RAD1: variants seen among roughly 807,000 people sequenced by gnomAD.
RAD1 encodes RAD1 checkpoint DNA exonuclease.
A neutral mutation model predicts 30.0 loss-of-function variants in RAD1; 21 were observed. That is an observed-to-expected ratio of 0.70 (90% confidence interval 0.50 to 1.01). RAD1 has a LOEUF of 1.01. Among genes scored for constraint, RAD1 ranks in the 50% least tolerant of loss-of-function variants. The pLI is 0.00. For synonymous variants in RAD1, 109 were observed against 113.6 expected (o/e 0.96, Z 0.26); for missense variants, 329 against 329.0 (o/e 1.00, Z 0.00).
chr5:34,914,973 AG>A lies in RAD1; in HGVS notation c.-69-13del, dbSNP rs1764000194. 4.0e-6 allele frequency: 6 copies of A among 1,492,886 alleles called. No individual in the cohort carries two copies. In the Admixed American group the frequency reaches 1.1e-4, roughly 27 times the overall value. 92.5% of individuals were successfully genotyped at this position (1,492,886 alleles called of 1,614,324 possible). A position where few individuals can be genotyped will look rare whatever the true frequency, so the allele number is the denominator to read the frequency against. On this transcript the variant is annotated splice_polypyrimidine_tract_variant and intron_variant, in intron 1 of 5. Coordinates refer to ENST00000382038, the MANE Select transcript of RAD1 (RefSeq NM_002853.4). ...GGATCGCCAAACACCTGAAGGGATT[AG>A]ACAGTAAAACTCCCATCAGTGCTGG...
intron 4 of RAD1, among the ~76,000 whole-genome samples, chr5:34,910,894 G>A (rs1763815216): frequency 6.6e-6 from 1 of 152,186 alleles, no homozygotes; most frequent in African/African-American, 2.4e-5. Flanking sequence ...AAAGAGACTT[G>A]TGTTAAACTA....
intron 2 of RAD1, chr5:34,914,105 C>T (rs539395538): frequency 1.8e-4 from 75 of 415,076 alleles, no homozygotes; most frequent in Non-Finnish European, 2.9e-4. Flanking sequence ...TTAAAAAACG[C>T]TTAGTTGAAC....
chr5:34,906,059 A>G lies in RAD1; in HGVS notation c.*2706T>C, dbSNP rs1208043085. ...AACCCCCGCCTTCCAGTTTCAAGTGATTCTCTTGCCTCAGCCTCTCAAGTA... is the reference window on the plus strand; with the variant it reads ...AACCCCCGCCTTCCAGTTTCAAGTGGTTCTCTTGCCTCAGCCTCTCAAGTA... On this transcript the variant is annotated 3_prime_UTR_variant, in exon 6 of 6. Coordinates refer to ENST00000382038, the MANE Select transcript of RAD1 (RefSeq NM_002853.4). The G allele has an allele frequency of 6.6e-6, 1 of 151,996 alleles. No individual in the cohort carries two copies. The highest frequency in any genetic ancestry group is 1.5e-5 in the Non-Finnish European group (1 of 68,038). 9.4% of individuals were successfully genotyped at this position (151,996 alleles called of 1,614,324 possible). A position where few individuals can be genotyped will look rare whatever the true frequency, so the allele number is the denominator to read the frequency against.
chr5:34,914,852 T>C lies in RAD1; in HGVS notation c.41A>G (p.Gln14Arg), dbSNP rs981309610. Residue 14 changes from glutamine to arginine, a missense_variant, in exon 2 of 6, where the codon CAG (glutamine) becomes CGG (arginine). Coordinates refer to ENST00000382038, the MANE Select transcript of RAD1 (RefSeq NM_002853.4). ...LTQQIQDEDD[Q>R]YSLVASLDNV... Reference sequence around the variant, plus strand: ...GTCAAGGCTGGCCACAAGGCTGTACTGATCATCCTCGTCTTGGATCTGTTG... The same window carrying C: ...GTCAAGGCTGGCCACAAGGCTGTACCGATCATCCTCGTCTTGGATCTGTTG... 2 of 1,614,060 alleles carry C rather than the reference T, an allele frequency of 1.2e-6. No homozygotes were observed. Among genetic ancestry groups the C allele is most frequent in the African/African-American group, 1.3e-5 (1 of 74,944 alleles).
At chr5:34,913,036 T>C (rs1470569764) in intron 3 of RAD1, among the ~76,000 whole-genome samples, 1 of 152,142 alleles carries the variant, frequency 6.6e-6, no homozygotes, top group African/African-American at 2.4e-5. Flanking sequence ...AAAATAGACA[T>C]AACTTATAAA....
Position 34,907,130 on chromosome 5 carries a change from G to A in RAD1, c.*1635C>T, listed in dbSNP as rs1763676322. 6.6e-6 allele frequency: 1 copy of A among 152,194 alleles called. No individual in the cohort carries two copies. Among genetic ancestry groups the A allele is most frequent in the Admixed American group, 6.5e-5 (1 of 15,276 alleles). 9.4% of individuals were successfully genotyped at this position (152,194 alleles called of 1,614,324 possible). On this transcript the variant is annotated 3_prime_UTR_variant, in exon 6 of 6. Transcript: ENST00000382038. ...AAGCAGTGCCTGCCATTGTGCTGGA[G>A]TAGCCTCCTTGCAGCACACTTTGCT...
chr5:34,914,999 G>A (rs1764001864), intron 1 of RAD1, 38 bp from the exon 2 acceptor site: 2 of 1,199,294 alleles, frequency 1.7e-6, no homozygotes, highest in Non-Finnish European at 2.3e-6. Context: ...ATCAGTGCTG[G>A]CGAGGTCCGG....
rs1763654179 is a variant in RAD1 at position 34,906,378 on chromosome 5, C to G, written c.*2387G>C. 6.6e-6 allele frequency: 1 copy of G among 152,138 alleles called. No individual in the cohort carries two copies. The highest frequency in any genetic ancestry group is 1.5e-5 in the Non-Finnish European group (1 of 68,034). 9.4% of individuals were successfully genotyped at this position (152,138 alleles called of 1,614,324 possible). ...ATTAGGCCAGGCATGATAGCTCACGCCTGTAATCCCAGCCCTTTGGGAGGC... is the reference window on the plus strand; with the variant it reads ...ATTAGGCCAGGCATGATAGCTCACGGCTGTAATCCCAGCCCTTTGGGAGGC... On this transcript the variant is annotated 3_prime_UTR_variant, in exon 6 of 6. Transcript: ENST00000382038.
At chr5:34,914,623 G>A (rs1014150932) in intron 2 of RAD1, 72 bp downstream of exon 2, 6 of 1,486,564 alleles carry the variant, frequency 4.0e-6, no homozygotes, top group Admixed American at 3.4e-5. Context: ...TTTGTCTACT[G>A]AAACCTTCCG....
intron 4 of RAD1, 47 bp downstream of exon 4, chr5:34,911,507 G>C (rs964023843): frequency 1.3e-6 from 2 of 1,581,036 alleles, no homozygotes; most frequent in African/African-American, 1.4e-5. Flanking sequence ...TAAGTGGGAA[G>C]ATGGAGTACA....
Position 34,908,838 on chromosome 5 carries a change from T to C in RAD1, c.776A>G (p.Asn259Ser). The change falls in exon 6 of 6, where the codon AAT (asparagine) becomes AGT (serine). Residue 259 changes from asparagine to serine, a missense_variant. Asn to Ser is a conservative substitution (Grantham distance 46, BLOSUM62 1). Transcript: ENST00000382038. ...CACAAAACATATTTGTCCATCTTCA[T>C]TTCTAATCATATACTGTAATGAAAG... ...GFLSLQYMIRNEDGQICFVEY... is the reference protein window; with the variant it reads ...GFLSLQYMIRSEDGQICFVEY... 6.2e-7 allele frequency: 1 copy of C among 1,613,380 alleles called. No homozygotes were observed. Among genetic ancestry groups the C allele is most frequent in the South Asian group, 1.1e-5 (1 of 91,052 alleles).
At chr5:34,914,491 T>G (rs1465531242) in intron 2 of RAD1, 3 of 586,020 alleles carry the variant, frequency 5.1e-6, no homozygotes, top group African/African-American at 3.7e-5. Flanking sequence ...GGGAAAAGAA[T>G]TTGTTACCGG....
rs1386487775 is a variant in RAD1 at position 34,914,860 on chromosome 5, C to G, written c.33G>C (p.Glu11Asp). The G allele has an allele frequency of 6.2e-7, 1 of 1,614,104 alleles. No individual in the cohort carries two copies. Among genetic ancestry groups the G allele is most frequent in the Non-Finnish European group, 8.5e-7 (1 of 1,180,040 alleles). The change falls in exon 2 of 6, where the codon GAG becomes GAC. Residue 11 changes from glutamate to aspartate, a missense_variant. Physicochemically the swap from Glu to Asp is conservative, Grantham distance 45. Transcript: ENST00000382038. ...TGGCCACAAGGCTGTACTGATCATC[C>G]TCGTCTTGGATCTGTTGGGTCAGAA... is the stretch of plus-strand genomic sequence containing the variant. Reference protein sequence around the residue: MPLLTQQIQDEDDQYSLVASL... With the variant: MPLLTQQIQDDDDQYSLVASL...
chr5:34,913,610 A>C (rs1763920574), intron 2 of RAD1, 32 bp from the exon 3 acceptor site: 1 of 1,327,546 alleles, frequency 7.5e-7, no homozygotes, highest in South Asian at 1.3e-5. Context: ...AAATTGTTAC[A>C]TAAAAGAATA....
intron 3 of RAD1, among the ~76,000 whole-genome samples, chr5:34,913,117 CCACT>C (rs1561169470): frequency 1.3e-5 from 2 of 152,110 alleles, no homozygotes; most frequent in Non-Finnish European, 2.9e-5. Context: ...TTTTTCTCTG[CCACT>C]AACTAGCGGA....
intron 2 of RAD1, chr5:34,914,475 C>A: frequency 1.8e-6 from 1 of 561,760 alleles, no homozygotes; most frequent in East Asian, 3.1e-5. Context: ...CTCTGTAAAA[C>A]AAGATGGGAA....
Position 34,914,947 on chromosome 5 carries a change from C to A in RAD1, c.-55G>T. On this transcript the variant is annotated 5_prime_UTR_variant, in exon 2 of 6. Transcript: ENST00000382038. Reference sequence around the variant, plus strand: ...GCTCCTGGGGCCAACAACTTCTCGGCGGATCGCCAAACACCTGAAGGGATT... The same window carrying A: ...GCTCCTGGGGCCAACAACTTCTCGGAGGATCGCCAAACACCTGAAGGGATT... 1 of 1,592,344 alleles carries A rather than the reference C, an allele frequency of 6.3e-7. No individual in the cohort carries two copies. Among genetic ancestry groups the A allele is most frequent in the South Asian group, 1.1e-5 (1 of 90,468 alleles).
At chr5:34,912,334 A>C (rs1345156738) in intron 3 of RAD1, among the ~76,000 whole-genome samples, 1 of 152,214 alleles carries the variant, frequency 6.6e-6, no homozygotes, top group Admixed American at 6.5e-5. Context: ...GAGGGTTGTT[A>C]ATGGTGGTGT....
At position 34,909,262 on chromosome 5, in the gene RAD1, T is replaced by G; in HGVS notation, c.661A>C (p.Asn221His). The G allele has an allele frequency of 6.2e-7, 1 of 1,600,806 alleles. No homozygotes were observed. The highest frequency in any genetic ancestry group is 8.6e-7 in the Non-Finnish European group (1 of 1,168,840). ...ACCTCTATATTAAGAACTGACCTGTTGACTTGGGTCTGATTACAATGAAAT... is the reference window on the plus strand; with the variant it reads ...ACCTCTATATTAAGAACTGACCTGTGGACTTGGGTCTGATTACAATGAAAT... The part of the protein sequence containing the change: ...EAFHCNQTQV[N>H]RYKISLLKPS... Residue 221 changes from asparagine (N) to histidine (H), a missense_variant, in exon 5 of 6, where the codon AAC becomes CAC. Transcript: ENST00000382038.
Sources: allele counts gnomAD v4.1 joint callset (sites outside exome capture counted in the v4.1 genomes callset), GRCh38; gene constraint gnomAD v4.1.1; transcripts MANE v1.5; gene names NCBI Gene and HGNC (gene_info 2026-07-23, HGNC 2026-07-21).